HEATR5B: variants seen among roughly 807,000 people sequenced by gnomAD.
The protein encoded by HEATR5B is HEAT repeat-containing protein 5B.
HEATR5B carries 156 observed loss-of-function variants against 224.1 expected under a neutral mutation model. The observed-to-expected ratio is 0.70, with a 90% confidence interval of 0.61 to 0.80. HEATR5B has a LOEUF of 0.80. HEATR5B is among the 30% of genes least tolerant of loss of function. HEATR5B has a pLI of 0.00. For synonymous variants in HEATR5B, 1,027 were observed against 893.0 expected (o/e 1.15, Z -2.68); for missense variants, 2,323 against 2,535.5 (o/e 0.92, Z 1.80).
At position 37,084,370 on chromosome 2, in the gene HEATR5B, G is replaced by A. The variant is rs192148951; in HGVS notation, c.-124C>T. 7.6e-4 allele frequency: 436 copies of A among 574,436 alleles called. 2 individuals carry two copies. The African/African-American group carries it at 7.6e-3, about 10-fold the overall frequency. The allele number at this position is 574,436 out of a possible 1,614,324, so 35.6% of individuals were successfully genotyped here. A position where few individuals can be genotyped will look rare whatever the true frequency, so the allele number is the denominator to read the frequency against. ...CCGCACTCCTACCTGCAGGAAACAA[G>A]GGAAGAGCGCTTGCGCGGAGGGCTG... On this transcript the variant is annotated 5_prime_UTR_variant, in exon 1 of 36. Transcript: ENST00000233099.
Position 37,008,650 on chromosome 2 carries a change from TCA to T in HEATR5B, c.4481_4482del (p.Leu1494TyrfsTer8). On this transcript the variant is annotated frameshift_variant, in exon 28 of 36. Transcript: ENST00000233099. LOFTEE classifies it high-confidence loss of function. ...WLAALKDYAL[L>X]TLPAEFSSQL... Reference sequence around the variant, plus strand: ...TGACTAGAAAATTCGGCTGGTAAAGTCAAGAGTGCATAATCTTTTAATGCTGC... The same window carrying T: ...TGACTAGAAAATTCGGCTGGTAAAGTAGAGTGCATAATCTTTTAATGCTGC... The T allele has an allele frequency of 6.2e-7, 1 of 1,614,132 alleles. No individual in the cohort carries two copies. Among genetic ancestry groups the T allele is most frequent in the African/African-American group, 1.3e-5 (1 of 75,046 alleles).
intron 35 of HEATR5B, among the ~76,000 whole-genome samples, chr2:36,987,666 TAAC>T (rs1263085604): frequency 2.0e-5 from 3 of 152,128 alleles, no homozygotes; most frequent in East Asian, 1.9e-4. Flanking sequence ...AAATTCTAAA[TAAC>T]AAGTTTTGAG....
rs567581453 is a variant in HEATR5B at position 37,045,959 on chromosome 2, C to T, written c.2696+3694G>A. 4.6e-5 allele frequency among the ~76,000 whole-genome samples: 7 copies of T among 152,032 alleles called. 1 individual carries two copies. The highest frequency in any genetic ancestry group is 1.4e-4 in the African/African-American group (6 of 41,472). On this transcript the variant is annotated intron_variant, in intron 18 of 35. Coordinates refer to ENST00000233099, the MANE Select transcript of HEATR5B (RefSeq NM_019024.3). ...TTAAGACACAAGGGTAAATACAGTCCCTGTTATTCCACCACTAATGGCAGT... is the reference window on the plus strand; with the variant it reads ...TTAAGACACAAGGGTAAATACAGTCTCTGTTATTCCACCACTAATGGCAGT...
At chr2:37,053,138 A>C (rs534540530) in intron 17 of HEATR5B, among the ~76,000 whole-genome samples, 8 of 152,208 alleles carry the variant, frequency 5.3e-5, no homozygotes, top group African/African-American at 1.2e-4. Flanking sequence ...TCAATTATGT[A>C]ACACTGCCTC....
Position 37,064,926 on chromosome 2 carries a change from TG to T in HEATR5B, c.1397del (p.Ala466AspfsTer15). ...CCACAGCCACACAGCGCAAACACCA[TG>T]CAGCAGCAAGTCGGGCAGCCATGCT... ...HPSMAARLAA[A>X]WCLRCVAVAL... On this transcript the variant is annotated frameshift_variant, in exon 10 of 36. Transcript: ENST00000233099. LOFTEE classifies it high-confidence loss of function. 6.2e-7 allele frequency: 1 copy of T among 1,614,130 alleles called. No homozygotes were observed. Among genetic ancestry groups the T allele is most frequent in the South Asian group, 1.1e-5 (1 of 91,084 alleles).
At chr2:37,060,828 T>C (rs1017337439) in intron 11 of HEATR5B, 95 bp from the exon 12 acceptor site, 13 of 999,856 alleles carry the variant, frequency 1.3e-5, no homozygotes, top group Admixed American at 2.5e-5. Flanking sequence ...CTTTATGTAA[T>C]TTTAGAGATG....
At chr2:37,007,849 T>G (rs1667531789) in intron 28 of HEATR5B, among the ~76,000 whole-genome samples, 1 of 152,242 alleles carries the variant, frequency 6.6e-6, no homozygotes, top group Non-Finnish European at 1.5e-5. Context: ...TCACTAAGTA[T>G]TCTTACCTTT....
At chr2:37,030,829 C>A (rs1572846248) in intron 22 of HEATR5B, among the ~76,000 whole-genome samples, 1 of 152,138 alleles carries the variant, frequency 6.6e-6, no homozygotes. Context: ...ACACTGCAGG[C>A]CTGAGACTAC....
chr2:37,036,400 T>C (rs1390680921), intron 21 of HEATR5B, among the ~76,000 whole-genome samples: 1 of 152,236 alleles, frequency 6.6e-6, no homozygotes, highest in Non-Finnish European at 1.5e-5. Context: ...CTTCCCAGTT[T>C]AGGGCCTTGC....
intron 33 of HEATR5B, among the ~76,000 whole-genome samples, chr2:36,997,507 A>G (rs1666799355): frequency 6.6e-6 from 1 of 151,838 alleles, no homozygotes. Context: ...ATATAGACCA[A>G]AACAGTAAAA....
At chr2:37,076,799 C>G (rs1489746842) in intron 4 of HEATR5B, 112 bp downstream of exon 4, 11 of 725,044 alleles carry the variant, frequency 1.5e-5, no homozygotes, top group African/African-American at 5.4e-5. Context: ...TAATTACCTC[C>G]TTGCTAAGCA....
At chr2:36,981,922 C>T (rs1665607177) in intron 35 of HEATR5B, 128 bp from the exon 36 acceptor site, 2 of 530,544 alleles carry the variant, frequency 3.8e-6, no homozygotes, top group Non-Finnish European at 6.4e-6. Context: ...CTACTTTAGA[C>T]CTCAATAACT....
Position 36,981,449 on chromosome 2 carries a change from G to A in HEATR5B, c.*41C>T, listed in dbSNP as rs751479946. On this transcript the variant is annotated 3_prime_UTR_variant, in exon 36 of 36. Coordinates refer to ENST00000233099, the MANE Select transcript of HEATR5B (RefSeq NM_019024.3). ...GATACAGTGGCCATCACTAATTAGG[G>A]GCTAGTTGACAACATAAATACAAAT... 1 of 1,489,056 alleles carries A rather than the reference G, an allele frequency of 6.7e-7. No homozygotes were observed. Among genetic ancestry groups the A allele is most frequent in the Non-Finnish European group, 9.2e-7 (1 of 1,092,092 alleles). 92.2% of individuals were successfully genotyped at this position (1,489,056 alleles called of 1,614,324 possible).
chr2:36,989,270 G>A (rs542872534), intron 34 of HEATR5B, among the ~76,000 whole-genome samples: 93 of 152,138 alleles, frequency 6.1e-4, no homozygotes, highest in Non-Finnish European at 1.1e-3. Flanking sequence ...ATTTTTAGTA[G>A]AGACGGGGTT....
At chr2:37,053,889 G>A (rs1190943015) in intron 16 of HEATR5B, among the ~76,000 whole-genome samples, 1 of 151,138 alleles carries the variant, frequency 6.6e-6, no homozygotes, top group Non-Finnish European at 1.5e-5. Flanking sequence ...CAAAGCGCCT[G>A]GCATCTAGTA....
intron 9 of HEATR5B, among the ~76,000 whole-genome samples, chr2:37,065,426 G>A (rs1033581638): frequency 6.6e-6 from 1 of 151,270 alleles, no homozygotes; most frequent in African/African-American, 2.4e-5. Context: ...CAATTCTCCT[G>A]CCTCAGCCTC....
chr2:37,002,490 A>T lies in HEATR5B; in HGVS notation c.5133T>A (p.Leu1711=). Residue 1711 remains leucine, a synonymous_variant, in exon 32 of 36, where the codon CTT becomes CTA. Transcript: ENST00000233099. ...DSGGLIPGKS[L]VFATMELLMF... ...TCAGCAGCTCCATAGTTGCAAACAC[A>T]AGAGATTTTCCAGGAATGAGACCAC... 3 of 1,614,220 alleles carry T rather than the reference A, an allele frequency of 1.9e-6. No homozygotes were observed. The highest frequency in any genetic ancestry group is 2.5e-6 in the Non-Finnish European group (3 of 1,180,032).
chr2:37,059,438 GTGTGTGTGTATA>G (rs1402786878), intron 12 of HEATR5B, among the ~76,000 whole-genome samples: 1 of 82,498 alleles, frequency 1.2e-5, no homozygotes, highest in Non-Finnish European at 2.4e-5. Context: ...GTGTGTGTGT[GTGTGTGTGTATA>G]TATATATATA....
rs56351937 is a variant in HEATR5B at position 36,991,495 on chromosome 2, C to CAA, written c.5546-698_5546-697dup. 2.7e-3 allele frequency among the ~76,000 whole-genome samples: 274 copies of CAA among 101,288 alleles called. 2 individuals are homozygous for CAA. Among genetic ancestry groups the CAA allele is most frequent in the African/African-American group, 8.8e-3 (261 of 29,662 alleles). The allele number at this position is 101,288 out of a possible 152,430, so 66.4% of individuals were successfully genotyped here. On this transcript the variant is annotated intron_variant, in intron 33 of 35. Coordinates refer to ENST00000233099, the MANE Select transcript of HEATR5B (RefSeq NM_019024.3). ...GGGCAACAAAAGCGAAACTCTGTCT[C>CAA]AAAAAAAAAAAAAAAAAAACTTGGA...
Sources: gnomAD v4.1 joint callset for allele counts (sites outside exome capture counted in the v4.1 genomes callset) on GRCh38, gnomAD v4.1.1 for gene constraint, MANE v1.5 for transcripts, NCBI Gene and HGNC (gene_info 2026-07-23, HGNC 2026-07-21) for gene names.